Variants in TBC1D8 observed in about 807,000 individuals in gnomAD.
TBC1D8 encodes BUB2-like protein 1.
In TBC1D8, 65 loss-of-function variants were observed where a neutral mutation model predicts 118.8. The observed-to-expected ratio is 0.55, with a 90% CI of 0.45 to 0.67. The LOEUF (loss-of-function observed/expected upper bound fraction) is 0.67, where lower values mean the gene tolerates loss of function less well. TBC1D8 is among the 30% of genes least tolerant of loss of function. The pLI, the probability that TBC1D8 is intolerant of heterozygous loss-of-function variation, is 0.00. For missense variants in TBC1D8, 1,376 were observed against 1,471.2 expected (o/e 0.94, Z 1.06); for synonymous variants, 566 against 595.8 (o/e 0.95, Z 0.73).
chr2:101,139,395 C>T (rs938328563), intron 1 of TBC1D8, among the ~76,000 whole-genome samples: 2 of 152,146 alleles, frequency 1.3e-5, no homozygotes, highest in African/African-American at 4.8e-5. Context: ...ACTTCCTCGC[C>T]ACCCTCCAGT....
At chr2:101,123,032 G>A (rs1219343043) in intron 1 of TBC1D8, among the ~76,000 whole-genome samples, 2 of 152,144 alleles carry the variant, frequency 1.3e-5, no homozygotes, top group Non-Finnish European at 2.9e-5. Context: ...CAGCACCTGT[G>A]TCTACCAAAA....
At chr2:101,112,023 G>A (rs1677618009) in intron 1 of TBC1D8, among the ~76,000 whole-genome samples, 1 of 151,842 alleles carries the variant, frequency 6.6e-6, no homozygotes, top group Non-Finnish European at 1.5e-5. Flanking sequence ...CCCAAGCAAC[G>A]AATCATAAAT....
chr2:101,040,226 A>G lies in TBC1D8; in HGVS notation c.1032T>C (p.Phe344=). ...RMFASDSYIC[F]ASREDGCCKI... is the part of the protein sequence containing the mutation. Reference sequence around the variant, plus strand: ...TACAGCAGCCATCTTCTCTGCTGGCAAAGCAGATGTAGCTGTCAGAGGCGA... The same window carrying G: ...TACAGCAGCCATCTTCTCTGCTGGCGAAGCAGATGTAGCTGTCAGAGGCGA... Residue 344 remains phenylalanine (F), a synonymous_variant, in exon 6 of 20, where the codon TTT becomes TTC. Coordinates refer to ENST00000409318, the MANE Select transcript of TBC1D8 (RefSeq NM_001330348.2). 6.2e-7 allele frequency: 1 copy of G among 1,614,050 alleles called. No homozygotes were observed.
At chr2:101,128,331 T>G (rs1574069289) in intron 1 of TBC1D8, among the ~76,000 whole-genome samples, 1 of 152,196 alleles carries the variant, frequency 6.6e-6, no homozygotes, top group Non-Finnish European at 1.5e-5. Context: ...AATGCACCTC[T>G]AAACAAGCTT....
intron 1 of TBC1D8, among the ~76,000 whole-genome samples, chr2:101,140,399 G>A (rs1206881685): frequency 1.3e-5 from 2 of 152,088 alleles, no homozygotes; most frequent in African/African-American, 4.8e-5. Context: ...CATTTTGAAG[G>A]CTAAATATAG....
intron 1 of TBC1D8, among the ~76,000 whole-genome samples, chr2:101,106,596 C>T (rs1048293418): frequency 3.9e-5 from 6 of 152,254 alleles, no homozygotes; most frequent in Non-Finnish European, 5.9e-5. Flanking sequence ...AACTACTACA[C>T]ATGCACAGAT....
intron 1 of TBC1D8, 58 bp from the exon 2 acceptor site, chr2:101,090,422 T>C: frequency 6.3e-7 from 1 of 1,588,864 alleles, no homozygotes; most frequent in Non-Finnish European, 8.6e-7. Context: ...CAGCTCCTCA[T>C]GCGTGTGAGG....
intron 2 of TBC1D8, among the ~76,000 whole-genome samples, chr2:101,073,554 A>G (rs1161630629): frequency 1.3e-5 from 2 of 152,124 alleles, no homozygotes; most frequent in Non-Finnish European, 2.9e-5. Flanking sequence ...TCGGCCTCCC[A>G]AAGTGCTGGG....
chr2:101,020,072 CAAA>C (rs200778679), intron 17 of TBC1D8, among the ~76,000 whole-genome samples: 3 of 90,934 alleles, frequency 3.3e-5, no homozygotes, highest in Admixed American at 2.3e-4. Context: ...AACTCCGTCT[CAAA>C]AAAAAAAAAA....
rs551697119 is a variant in TBC1D8, at chr2:101,130,088, C to G, written c.127+21039G>C. On this transcript the variant is annotated intron_variant, in intron 1 of 19. Transcript: ENST00000409318. ...GTTCATCCAGCCATGACCCTCAGAGCCACAATGACCAGGAGTCGCAACAAT... is the reference window on the plus strand; with the variant it reads ...GTTCATCCAGCCATGACCCTCAGAGGCACAATGACCAGGAGTCGCAACAAT... 3.3e-5 allele frequency among the ~76,000 whole-genome samples: 5 copies of G among 152,258 alleles called. No homozygotes were observed. In the East Asian group the frequency reaches 7.7e-4, roughly 24 times the overall value.
intron 1 of TBC1D8, among the ~76,000 whole-genome samples, chr2:101,127,338 A>G (rs1050643873): frequency 6.7e-5 from 9 of 134,704 alleles, no homozygotes; most frequent in Admixed American, 3.0e-4. Context: ...TTCATCTCAG[A>G]AAAAAAAAAA....
At chr2:101,017,725 T>A (rs1573871037) in intron 17 of TBC1D8, 4 of 946,146 alleles carry the variant, frequency 4.2e-6, no homozygotes, top group Non-Finnish European at 4.8e-6. Context: ...GTACATCACT[T>A]TATCACAGGC....
chr2:101,018,040 T>C, intron 17 of TBC1D8: 5 of 1,053,908 alleles, frequency 4.7e-6, no homozygotes, highest in Non-Finnish European at 5.5e-6. Context: ...TCAACCCCTT[T>C]TTCACTGACA....
chr2:101,110,789 G>C (rs966077973), intron 1 of TBC1D8, among the ~76,000 whole-genome samples: 4 of 151,966 alleles, frequency 2.6e-5, no homozygotes, highest in African/African-American at 9.7e-5. Flanking sequence ...TGGCCAATAT[G>C]GTGAAACCCC....
At chr2:101,017,741 A>T in intron 17 of TBC1D8, 1 of 1,099,292 alleles carries the variant, frequency 9.1e-7, no homozygotes, top group Non-Finnish European at 1.3e-6. Flanking sequence ...CAGGCAAGAT[A>T]GGGTCAAGTG....
At chr2:101,125,735 G>C (rs1245534852) in intron 1 of TBC1D8, among the ~76,000 whole-genome samples, 1 of 152,214 alleles carries the variant, frequency 6.6e-6, no homozygotes. Flanking sequence ...AGAGCCCAGA[G>C]ACTTAAGGAT....
At chr2:101,131,366 G>C (rs1255978567) in intron 1 of TBC1D8, among the ~76,000 whole-genome samples, 1 of 152,082 alleles carries the variant, frequency 6.6e-6, no homozygotes, top group Non-Finnish European at 1.5e-5. Context: ...TACAACATTA[G>C]CCGGGCATGG....
intron 1 of TBC1D8, among the ~76,000 whole-genome samples, chr2:101,129,384 C>G (rs1278730744): frequency 6.6e-6 from 1 of 152,146 alleles, no homozygotes; most frequent in Non-Finnish European, 1.5e-5. Context: ...CTCGGGTAAT[C>G]TGCCTGCCTC....
At chr2:101,055,283 G>T (rs1682353303) in intron 3 of TBC1D8, among the ~76,000 whole-genome samples, 1 of 152,012 alleles carries the variant, frequency 6.6e-6, no homozygotes, top group African/African-American at 2.4e-5. Flanking sequence ...CAGCTACTTG[G>T]GAGGCTGAGG....
Sources: allele counts gnomAD v4.1 joint callset (sites outside exome capture counted in the v4.1 genomes callset), GRCh38; gene constraint gnomAD v4.1.1; transcripts MANE v1.5; gene names NCBI Gene and HGNC (gene_info 2026-07-23, HGNC 2026-07-21).